The following KIF26B variants were observed in gnomAD, a reference collection of about 807,000 sequenced individuals.
KIF26B encodes kinesin-like protein KIF26B.
Under a neutral mutation model 151.2 loss-of-function variants are expected in KIF26B, and 63 were observed. That is an observed-to-expected ratio of 0.42 (90% CI 0.34 to 0.51). The LOEUF is 0.51. Ranked by LOEUF, KIF26B falls within the 20% of genes least tolerant of loss-of-function variation. KIF26B has a pLI of 0.07. For synonymous variants in KIF26B, 1,357 were observed against 1,262.1 expected (o/e 1.08, Z -1.59); for missense variants, 2,813 against 2,913.6 (o/e 0.97, Z 0.79).
At chr1:245,323,577 G>A (rs34736354) in intron 2 of KIF26B, among the ~76,000 whole-genome samples, 1,663 of 152,262 alleles carry the variant, frequency 0.011, 16 homozygotes, top group Middle Eastern at 0.031. Context: ...TTTGTATGGC[G>A]GATTGGATTT....
intron 4 of KIF26B, among the ~76,000 whole-genome samples, chr1:245,508,367 A>G (rs1286558521): frequency 6.6e-6 from 1 of 152,086 alleles, no homozygotes; most frequent in East Asian, 1.9e-4. Context: ...CAGCCTCCCA[A>G]GTAGCTGTGA....
chr1:245,167,071 C>T lies in KIF26B; in HGVS notation c.465+10388C>T, dbSNP rs1573683372. ...TTCCTTTTCTACTTATTGGAGTTTA[C>T]GTTCAATACTGTTGCCAACCACAAA... On this transcript the variant is annotated intron_variant, in intron 2 of 14. Transcript: ENST00000407071. The surrounding 1 kb of genome is among the most constrained non-coding windows in gnomAD (Gnocchi z 4.2). Among the ~76,000 whole-genome samples, 2 of 152,156 alleles carry T rather than the reference C, an allele frequency of 1.3e-5. No individual in the cohort carries two copies. The highest frequency in any genetic ancestry group is 2.1e-4 in the South Asian group (1 of 4,824).
intron 9 of KIF26B, among the ~76,000 whole-genome samples, chr1:245,638,026 C>A (rs2043853218): frequency 6.6e-6 from 1 of 151,818 alleles, no homozygotes; most frequent in African/African-American, 2.4e-5. Flanking sequence ...TTTCTTTTTT[C>A]TATTTCTGTG....
chr1:245,499,231 C>T (rs1188139927), intron 4 of KIF26B, among the ~76,000 whole-genome samples: 1 of 151,964 alleles, frequency 6.6e-6, no homozygotes, highest in African/African-American at 2.4e-5. Flanking sequence ...TAAGAGAACA[C>T]TAGAATAATA....
intron 4 of KIF26B, among the ~76,000 whole-genome samples, chr1:245,507,614 C>T (rs984930163): frequency 5.3e-5 from 8 of 152,142 alleles, no homozygotes; most frequent in Non-Finnish European, 1.0e-4. Context: ...GCTGGGGCAA[C>T]AAGTCCTCCC....
rs1238370079 is a variant in KIF26B at position 245,602,014 on chromosome 1, C to T, written c.1351-563C>T. 1.3e-5 allele frequency among the ~76,000 whole-genome samples: 2 copies of T among 152,192 alleles called. No homozygotes were observed. Among genetic ancestry groups the T allele is most frequent in the African/African-American group, 4.8e-5 (2 of 41,452 alleles). On this transcript the variant is annotated intron_variant, in intron 5 of 14. Coordinates refer to ENST00000407071, the MANE Select transcript of KIF26B (RefSeq NM_018012.4). The surrounding 1 kb of genome is among the most constrained non-coding windows in gnomAD (Gnocchi z 4.5). ...TCGCTTAATGGGATCCCAAATAACACGTCGCAGACCAGTCTTTTATCACTG... is the reference window on the plus strand; with the variant it reads ...TCGCTTAATGGGATCCCAAATAACATGTCGCAGACCAGTCTTTTATCACTG...
At chr1:245,415,257 T>G (rs549239776) in intron 3 of KIF26B, among the ~76,000 whole-genome samples, 13 of 152,168 alleles carry the variant, frequency 8.5e-5, no homozygotes, top group Non-Finnish European at 1.8e-4. Context: ...TGTCACCGTT[T>G]CAGAGAGCTT....
rs142884357 is a variant in KIF26B, at chr1:245,267,355, C to T, written c.466-99479C>T. ...TCTTTATTACTGGGCATCTTAATTGCTTCTTGGATGTTACAAGCCCAGCAT... is the reference window on the plus strand; with the variant it reads ...TCTTTATTACTGGGCATCTTAATTGTTTCTTGGATGTTACAAGCCCAGCAT... On this transcript the variant is annotated intron_variant, in intron 2 of 14. Coordinates refer to ENST00000407071, the MANE Select transcript of KIF26B (RefSeq NM_018012.4). 4.0e-3 allele frequency among the ~76,000 whole-genome samples: 607 copies of T among 152,218 alleles called. 6 individuals are homozygous for T. The highest frequency in any genetic ancestry group is 0.013 in the African/African-American group (549 of 41,528).
chr1:245,213,466 C>T (rs896961405), intron 2 of KIF26B, among the ~76,000 whole-genome samples: 3 of 152,228 alleles, frequency 2.0e-5, no homozygotes, highest in African/African-American at 7.2e-5. Flanking sequence ...ACCCTTAACT[C>T]CCAGAGATCG....
intron 2 of KIF26B, among the ~76,000 whole-genome samples, chr1:245,188,005 C>G (rs562393996): frequency 6.6e-6 from 1 of 151,926 alleles, no homozygotes; most frequent in African/African-American, 2.4e-5. Flanking sequence ...CAAGGCCGGG[C>G]GCGGTGGCTC....
intron 6 of KIF26B, among the ~76,000 whole-genome samples, chr1:245,605,240 C>A (rs1273029487): frequency 2.6e-5 from 4 of 152,040 alleles, no homozygotes; most frequent in African/African-American, 7.2e-5. Context: ...AAGTGCTCAA[C>A]AAATGCGGCT....
At chr1:245,464,808 T>C (rs1275231556) in intron 4 of KIF26B, among the ~76,000 whole-genome samples, 1 of 151,740 alleles carries the variant, frequency 6.6e-6, no homozygotes, top group Non-Finnish European at 1.5e-5. Context: ...ACATGAAATC[T>C]GGCAAGTCAT....
chr1:245,654,346 T>C (rs2044051810), intron 10 of KIF26B, among the ~76,000 whole-genome samples: 1 of 152,014 alleles, frequency 6.6e-6, no homozygotes, highest in Non-Finnish European at 1.5e-5. Context: ...TTAAAAAGAA[T>C]GTAACAAGCA....
chr1:245,246,274 A>G (rs1670329337), intron 2 of KIF26B, among the ~76,000 whole-genome samples: 1 of 152,146 alleles, frequency 6.6e-6, no homozygotes, highest in African/African-American at 2.4e-5. Flanking sequence ...TCCACTTTTT[A>G]GGTGGAGCCC....
rs1052141933 is a variant in KIF26B at position 245,540,572 on chromosome 1, C to T, written c.1167-195C>T. ...TTTATGGCTTTGTTTTTCCTTTTGTCGTATAAATGATTGGGTAGCTCGTTA... is the reference window on the plus strand; with the variant it reads ...TTTATGGCTTTGTTTTTCCTTTTGTTGTATAAATGATTGGGTAGCTCGTTA... On this transcript the variant is annotated intron_variant, in intron 4 of 14. Transcript: ENST00000407071. This position sits in a 1 kb window ranked among gnomAD's most constrained non-coding sequence, Gnocchi z 4.6. 5.2e-5 allele frequency: 37 copies of T among 714,448 alleles called. No individual in the cohort carries two copies. Among genetic ancestry groups the T allele is most frequent in the Middle Eastern group, 2.3e-4 (1 of 4,392 alleles). 44.3% of individuals were successfully genotyped at this position (714,448 alleles called of 1,614,324 possible). A position where few individuals can be genotyped will look rare whatever the true frequency, so the allele number is the denominator to read the frequency against.
At chr1:245,571,882 A>T (rs1377119597) in intron 5 of KIF26B, among the ~76,000 whole-genome samples, 2 of 152,232 alleles carry the variant, frequency 1.3e-5, no homozygotes, top group Non-Finnish European at 2.9e-5. Context: ...TGTAAGAGCC[A>T]GCCTTTCAAA....
chr1:245,521,751 G>A (rs1016606216), intron 4 of KIF26B, among the ~76,000 whole-genome samples: 1 of 152,212 alleles, frequency 6.6e-6, no homozygotes, highest in Admixed American at 6.5e-5. Context: ...GCAGTTGTAG[G>A]AAAGATAGAC....
rs1252118767 is a variant in KIF26B at position 245,686,183 on chromosome 1, G to A, written c.3200G>A (p.Arg1067Gln). 4 of 1,611,930 alleles carry A rather than the reference G, an allele frequency of 2.5e-6. No individual in the cohort carries two copies. Among genetic ancestry groups the A allele is most frequent in the Non-Finnish European group, 3.4e-6 (4 of 1,179,560 alleles). ...EGKPRPMGSP[R>Q]LGIASLSKTS... Reference sequence around the variant, plus strand: ...AAGCCCAGGCCCATGGGCTCCCCCCGGCTGGGCATCGCCAGCCTGTCCAAG... The same window carrying A: ...AAGCCCAGGCCCATGGGCTCCCCCCAGCTGGGCATCGCCAGCCTGTCCAAG... The change falls in exon 12 of 15, where the codon CGG becomes CAG. Residue 1067 changes from arginine to glutamine, a missense_variant. By Grantham distance (43) the Arg-to-Gln change is conservative (BLOSUM62 1). Around this residue, in one of 3 missense-constraint regions of KIF26B, gnomAD observed 2,060 missense variants for 2,088.6 expected, o/e 0.99. Coordinates refer to ENST00000407071, the MANE Select transcript of KIF26B (RefSeq NM_018012.4). This position sits in a 1 kb window ranked among gnomAD's most constrained non-coding sequence, Gnocchi z 5.6.
intron 2 of KIF26B, among the ~76,000 whole-genome samples, chr1:245,333,961 T>G (rs1672169790): frequency 6.6e-6 from 1 of 151,564 alleles, no homozygotes; most frequent in African/African-American, 2.4e-5. Context: ...TCCGCACCAC[T>G]GCACTCCAGC....
Sources: gnomAD v4.1 joint callset for allele counts (sites outside exome capture counted in the v4.1 genomes callset) on GRCh38, gnomAD v4.1.1 for gene constraint, gnomAD v4.1.1 regional missense constraint, Gnocchi (gnomAD v3.1) non-coding constraint, MANE v1.5 for transcripts, NCBI Gene and HGNC (gene_info 2026-07-23, HGNC 2026-07-21) for gene names.